The following NAV3 variants were observed in gnomAD, a reference collection of about 807,000 sequenced individuals.
NAV3 encodes pore membrane and/or filament interacting like protein 1.
A neutral mutation model predicts 244.7 loss-of-function variants in NAV3; 87 were observed. The ratio of observed to expected loss-of-function variants is 0.36; its 90% CI spans 0.30 to 0.42. The LOEUF (loss-of-function observed/expected upper bound fraction) is 0.42, where lower values mean the gene tolerates loss of function less well. Among genes scored for constraint, NAV3 ranks in the 20% least tolerant of loss-of-function variants. The pLI is 1.00. For missense variants in NAV3, 2,663 were observed against 2,893.3 expected, an observed-to-expected ratio of 0.92 and a Z score of 1.83; for synonymous variants, 1,126 against 1,042.2, an observed-to-expected ratio of 1.08 and a Z score of -1.55.
intron 39 of NAV3, among the ~76,000 whole-genome samples, chr12:78,206,120 C>T (rs1400279631): frequency 6.6e-6 from 1 of 152,060 alleles, no homozygotes; most frequent in Non-Finnish European, 1.5e-5. Flanking sequence ...TGCATACACA[C>T]TGAAAATTTG....
At chr12:78,170,575 C>T (rs1957959261) in intron 24 of NAV3, among the ~76,000 whole-genome samples, 1 of 151,720 alleles carries the variant, frequency 6.6e-6, no homozygotes, top group Non-Finnish European at 1.5e-5. Context: ...GACTCCTCAG[C>T]ATGACATAAT....
chr12:77,922,723 A>T, intron 1 of NAV3, among the ~76,000 whole-genome samples: 1 of 152,160 alleles, frequency 6.6e-6, no homozygotes, highest in Non-Finnish European at 1.5e-5. Context: ...ATTGACTTGA[A>T]TCCTAAGACT....
At chr12:77,613,492 G>C (rs1592504197) in intron 2 of NAV3, among the ~76,000 whole-genome samples, 2 of 152,250 alleles carry the variant, frequency 1.3e-5, no homozygotes, top group Middle Eastern at 3.4e-3. Flanking sequence ...CAAAGACTCA[G>C]GGTGTCCTCT....
chr12:77,976,328 A>G (rs1382636), intron 5 of NAV3, among the ~76,000 whole-genome samples: 101,390 of 151,954 alleles, frequency 0.67, 34,098 homozygotes, highest in East Asian at 0.75. Context: ...AAAAAGCTAT[A>G]AGGCTAGACA....
rs2136075828 is a variant in NAV3 at position 77,831,534 on chromosome 12, C to T, written c.73C>T (p.Pro25Ser). The T allele has an allele frequency of 1.9e-6, 3 of 1,614,112 alleles. No individual in the cohort carries two copies. The highest frequency in any genetic ancestry group is 2.5e-6 in the Non-Finnish European group (3 of 1,180,000). The change falls in exon 1 of 40, where the codon CCG (proline) becomes TCG (serine). Residue 25 changes from proline (P) to serine (S), a missense_variant. Pro to Ser is a moderately conservative substitution (Grantham distance 74, BLOSUM62 -1). Transcript: ENST00000397909. ...VGSKPVHTAL[P>S]IPNLGTTGSQ... Reference sequence around the variant, plus strand: ...GTCAAAGCCTGTGCATACTGCTCTTCCGATACCAAATCTTGGCACTACTGG... The same window carrying T: ...GTCAAAGCCTGTGCATACTGCTCTTTCGATACCAAATCTTGGCACTACTGG...
intron 2 of NAV3, among the ~76,000 whole-genome samples, chr12:77,580,889 A>AG (rs1263591372): frequency 6.6e-6 from 1 of 152,218 alleles, no homozygotes; most frequent in African/African-American, 2.4e-5. Flanking sequence ...TGTATATTTG[A>AG]TAATATTTAT....
At chr12:77,638,802 A>G (rs1316622372) in intron 2 of NAV3, among the ~76,000 whole-genome samples, 1 of 152,222 alleles carries the variant, frequency 6.6e-6, no homozygotes, top group East Asian at 1.9e-4. Context: ...TAGATATATC[A>G]TATGAATTTG....
In NAV3 at chr12:78,051,080, G is replaced by A. The variant is rs2137261583; in HGVS notation, c.2449G>A (p.Val817Met). 6.2e-7 allele frequency: 1 copy of A among 1,614,142 alleles called. No individual in the cohort carries two copies. Among genetic ancestry groups the A allele is most frequent in the Non-Finnish European group, 8.5e-7 (1 of 1,180,022 alleles). ...CCTGGACATGTCTTCTGAGGTCGAT[G>A]TGGGTGGATATATGAGTGATGGTGA... The part of the protein sequence containing the change: ...SDLDMSSEVD[V>M]GGYMSDGDIL... The change falls in exon 11 of 40, where the codon GTG (valine) becomes ATG (methionine). Residue 817 changes from valine to methionine, a missense_variant. Val to Met is a conservative substitution (Grantham distance 21). Around this residue, in one of 6 missense-constraint regions of NAV3, gnomAD observed 1,521 missense variants for 1,497.0 expected, o/e 1.02. Coordinates refer to ENST00000397909, the MANE Select transcript of NAV3 (RefSeq NM_001024383.2).
intron 2 of NAV3, among the ~76,000 whole-genome samples, chr12:77,582,842 G>A (rs138950871): frequency 1.3e-5 from 2 of 152,300 alleles, no homozygotes; most frequent in East Asian, 3.9e-4. Context: ...TGTCACAGAG[G>A]TGAGACTGCT....
chr12:78,093,135 C>G (rs1954053523), intron 12 of NAV3, among the ~76,000 whole-genome samples: 1 of 152,160 alleles, frequency 6.6e-6, no homozygotes, highest in African/African-American at 2.4e-5. Flanking sequence ...TAACAATATA[C>G]AATGAATATG....
At chr12:78,104,456 T>C (rs1954699755) in intron 12 of NAV3, among the ~76,000 whole-genome samples, 1 of 152,184 alleles carries the variant, frequency 6.6e-6, no homozygotes, top group African/African-American at 2.4e-5. Flanking sequence ...CTTGAATGTA[T>C]AACACATTTG....
intron 36 of NAV3, 109 bp downstream of exon 36, chr12:78,198,785 T>A (rs1959273627): frequency 1.3e-6 from 1 of 778,376 alleles, no homozygotes; most frequent in Non-Finnish European, 2.1e-6. Context: ...GGTTTGTTTT[T>A]CCATTTGTAC....
chr12:77,898,251 T>C (rs1592935070), intron 1 of NAV3, among the ~76,000 whole-genome samples: 1 of 152,208 alleles, frequency 6.6e-6, no homozygotes, highest in Non-Finnish European at 1.5e-5. Context: ...TCGTTTTAAA[T>C]ATCATCGAAC....
chr12:78,188,582 T>C (rs300513), intron 32 of NAV3, 27 bp from the exon 33 acceptor site: 1,556,142 of 1,600,610 alleles, frequency 0.97, 757,107 homozygotes, highest in East Asian at 1. Flanking sequence ...TCTGTTTTGA[T>C]TTTATTTTTT....
chr12:77,916,944 T>C (rs1320215691), intron 1 of NAV3, among the ~76,000 whole-genome samples: 1 of 152,000 alleles, frequency 6.6e-6, no homozygotes, highest in East Asian at 1.9e-4. Flanking sequence ...AAAATTCAGT[T>C]TCTTCTCTGG....
chr12:77,705,159 C>T lies in NAV3; in HGVS notation c.72+132893C>T, dbSNP rs1875737982. Reference sequence around the variant, plus strand: ...TCAAGTTGGGTGCAGTGGCTCATGCCTGTAATCCCAGCACTTTGGGAGGCC... The same window carrying T: ...TCAAGTTGGGTGCAGTGGCTCATGCTTGTAATCCCAGCACTTTGGGAGGCC... On this transcript the variant is annotated intron_variant, in intron 2 of 8. Transcript: ENST00000550042. Among the ~76,000 whole-genome samples, 2 of 152,206 alleles carry T rather than the reference C, an allele frequency of 1.3e-5. 1 individual carries two copies. The highest frequency in any genetic ancestry group is 4.1e-4 in the South Asian group (2 of 4,832).
chr12:77,968,451 A>G (rs1196718605), intron 4 of NAV3, 68 bp from the exon 5 acceptor site: 12 of 1,202,250 alleles, frequency 1.0e-5, no homozygotes, highest in Non-Finnish European at 1.2e-5. Context: ...AGAGAAATGC[A>G]TCTAGAATTT....
At chr12:77,762,330 TGAC>T (rs2135842503) in intron 2 of NAV3, among the ~76,000 whole-genome samples, 1 of 152,196 alleles carries the variant, frequency 6.6e-6, no homozygotes, top group East Asian at 1.9e-4. Context: ...CTAATATAGA[TGAC>T]AGGTGGATGG....
intron 2 of NAV3, among the ~76,000 whole-genome samples, chr12:77,642,299 T>G (rs1872449653): frequency 6.6e-6 from 1 of 152,114 alleles, no homozygotes; most frequent in Non-Finnish European, 1.5e-5. Flanking sequence ...TTTTTTTCAT[T>G]AACAGCTTGA....
Sources: allele counts gnomAD v4.1 joint callset (sites outside exome capture counted in the v4.1 genomes callset), GRCh38; gene constraint gnomAD v4.1.1; regional missense constraint gnomAD v4.1.1; transcripts MANE v1.5; gene names NCBI Gene and HGNC (gene_info 2026-07-23, HGNC 2026-07-21).